CSMD1: variants seen among roughly 807,000 people sequenced by gnomAD.
CSMD1 encodes CUB and sushi domain-containing protein 1.
In CSMD1, 213 loss-of-function variants were observed where a neutral mutation model predicts 417.5. The observed-to-expected ratio is 0.51, with a 90% CI of 0.46 to 0.57. The LOEUF (loss-of-function observed/expected upper bound fraction) is 0.57, where lower values mean the gene tolerates loss of function less well. CSMD1 is among the 20% of genes least tolerant of loss of function. The pLI is 0.00. For synonymous variants in CSMD1, 2,862 were observed against 1,736.8 expected (o/e 1.65, Z -16.11); for missense variants, 6,923 against 4,529.7 (o/e 1.53, Z -15.17).
At chr8:4,730,261 G>A (rs1306746504) in intron 1 of CSMD1, among the ~76,000 whole-genome samples, 2 of 152,072 alleles carry the variant, frequency 1.3e-5, no homozygotes, top group East Asian at 3.9e-4. Flanking sequence ...ACTTTTTTAT[G>A]TTCAGGGAAC....
chr8:4,846,929 G>A (rs575867126), intron 1 of CSMD1, among the ~76,000 whole-genome samples: 12 of 152,024 alleles, frequency 7.9e-5, no homozygotes, highest in African/African-American at 2.9e-4. Flanking sequence ...TTCTAAAACA[G>A]GCTATTCATT....
chr8:3,468,353 A>T (rs1816900667), intron 12 of CSMD1, among the ~76,000 whole-genome samples: 1 of 152,180 alleles, frequency 6.6e-6, no homozygotes, highest in African/African-American at 2.4e-5. Context: ...CAGATTCACT[A>T]TATTGTCTTT....
chr8:4,863,732 T>C (rs555171934), intron 1 of CSMD1, among the ~76,000 whole-genome samples: 5 of 152,200 alleles, frequency 3.3e-5, no homozygotes, highest in African/African-American at 1.2e-4. Context: ...TTGAAAAATG[T>C]ATACAATGTA....
intron 23 of CSMD1, among the ~76,000 whole-genome samples, chr8:3,320,567 A>T (rs952377596): frequency 1.3e-5 from 2 of 152,210 alleles, no homozygotes; most frequent in African/African-American, 4.8e-5. Flanking sequence ...TTGTCCCACC[A>T]TATGTAAGAA....
chr8:3,104,762 C>T (rs1256857093), intron 46 of CSMD1, among the ~76,000 whole-genome samples: 2 of 147,130 alleles, frequency 1.4e-5, no homozygotes, highest in African/African-American at 5.1e-5. Context: ...GGCTGGAGAG[C>T]AATGGCAAGA....
intron 10 of CSMD1, among the ~76,000 whole-genome samples, chr8:3,540,742 T>C (rs1798403042): frequency 6.6e-6 from 1 of 152,066 alleles, no homozygotes; most frequent in Non-Finnish European, 1.5e-5. Flanking sequence ...CAGACACTTC[T>C]CAAAAGAAGA....
chr8:4,608,252 G>A (rs963261005), intron 2 of CSMD1, among the ~76,000 whole-genome samples: 2 of 152,170 alleles, frequency 1.3e-5, no homozygotes, highest in African/African-American at 2.4e-5. Context: ...TTTATGACTT[G>A]ATTTCAGTGG....
chr8:4,433,421 C>G (rs1189086149), intron 2 of CSMD1, among the ~76,000 whole-genome samples: 1 of 152,046 alleles, frequency 6.6e-6, no homozygotes, highest in Non-Finnish European at 1.5e-5. Flanking sequence ...AACCTTTGAA[C>G]CAGGAATAGG....
At chr8:4,851,712 A>C (rs1801492193) in intron 1 of CSMD1, among the ~76,000 whole-genome samples, 2 of 152,188 alleles carry the variant, frequency 1.3e-5, no homozygotes, top group Admixed American at 1.3e-4. Context: ...GCAATCACCC[A>C]TATGACTAAC....
intron 5 of CSMD1, among the ~76,000 whole-genome samples, chr8:3,954,731 G>C (rs1299963298): frequency 6.6e-6 from 1 of 152,202 alleles, no homozygotes; most frequent in East Asian, 1.9e-4. Context: ...GCCCGCATGC[G>C]CAGAGCCCTC....
chr8:3,796,536 A>AT (rs1800159033), intron 5 of CSMD1, among the ~76,000 whole-genome samples: 1 of 144,968 alleles, frequency 6.9e-6, no homozygotes, highest in East Asian at 2.0e-4. Context: ...TCTAAGATAT[A>AT]TATCTATATC....
intron 4 of CSMD1, among the ~76,000 whole-genome samples, chr8:4,016,786 G>T (rs1020552247): frequency 1.3e-5 from 2 of 152,142 alleles, no homozygotes; most frequent in African/African-American, 4.8e-5. Flanking sequence ...TGTATAGTTG[G>T]GTTTTTTTGG....
chr8:3,666,676 T>C (rs749992916), intron 7 of CSMD1, among the ~76,000 whole-genome samples: 2 of 152,154 alleles, frequency 1.3e-5, no homozygotes, highest in Non-Finnish European at 2.9e-5. Context: ...GTTCTCATGG[T>C]AGTGAATAAG....
intron 3 of CSMD1, among the ~76,000 whole-genome samples, chr8:4,147,863 G>T (rs563651581): frequency 2.6e-5 from 4 of 152,196 alleles, no homozygotes; most frequent in South Asian, 2.1e-4. Context: ...AATGGTAGCT[G>T]AGCTTCATGG....
chr8:3,392,646 G>A (rs573840915), intron 17 of CSMD1, among the ~76,000 whole-genome samples: 1 of 152,134 alleles, frequency 6.6e-6, no homozygotes, highest in East Asian at 1.9e-4. Context: ...TCGAGGACTT[G>A]ATTAAAAGCT....
chr8:3,795,162 A>G (rs1799988659), intron 5 of CSMD1, among the ~76,000 whole-genome samples: 1 of 75,284 alleles, frequency 1.3e-5, no homozygotes. Flanking sequence ...ACAGCTATAG[A>G]TACCTATCAT....
At chr8:3,127,295 A>T (rs1817560163) in intron 41 of CSMD1, 1 of 152,222 alleles carries the variant, frequency 6.6e-6, no homozygotes, top group African/African-American at 2.4e-5. Flanking sequence ...GGGTAAAAAC[A>T]GAGACTGAGT....
intron 3 of CSMD1, among the ~76,000 whole-genome samples, chr8:4,246,366 G>A (rs955682915): frequency 6.6e-6 from 1 of 152,156 alleles, no homozygotes; most frequent in Non-Finnish European, 1.5e-5. Context: ...CCTTAGAAGA[G>A]TAGTTCTTGA....
intron 1 of CSMD1, among the ~76,000 whole-genome samples, chr8:4,797,545 C>T (rs900401379): frequency 6.6e-6 from 1 of 151,956 alleles, no homozygotes; most frequent in Non-Finnish European, 1.5e-5. Context: ...ACCAACCTGA[C>T]CTAATAGCAA....
Sources: allele counts gnomAD v4.1 joint callset (sites outside exome capture counted in the v4.1 genomes callset), GRCh38; gene constraint gnomAD v4.1.1; transcripts MANE v1.5; gene names NCBI Gene and HGNC (gene_info 2026-07-23, HGNC 2026-07-21).